PLCL1: variants seen among roughly 807,000 people sequenced by gnomAD.
PLCL1 encodes inactive phospholipase C-like protein 1.
Under a neutral mutation model 84.4 loss-of-function variants are expected in PLCL1, and 41 were observed. That is an observed-to-expected ratio of 0.49 (90% CI 0.38 to 0.63). The LOEUF is 0.63. Ranked by LOEUF, PLCL1 falls within the 30% of genes least tolerant of loss-of-function variation. The pLI is 0.00. For synonymous variants in PLCL1, 490 were observed against 488.3 expected (o/e 1.00, Z -0.05); for missense variants, 1,206 against 1,367.8 (o/e 0.88, Z 1.87).
chr2:197,890,617 A>G (rs1302729734), intron 1 of PLCL1, among the ~76,000 whole-genome samples: 1 of 150,222 alleles, frequency 6.7e-6, no homozygotes, highest in East Asian at 1.9e-4. Context: ...CACCGTTAAC[A>G]TTTTGGTGTA....
At chr2:197,851,120 G>A (rs1687227947) in intron 1 of PLCL1, among the ~76,000 whole-genome samples, 1 of 152,192 alleles carries the variant, frequency 6.6e-6, no homozygotes, top group African/African-American at 2.4e-5. Flanking sequence ...TGCATTGCAC[G>A]TGTAAATAAA....
At chr2:198,104,522 G>T (rs888656866) in intron 5 of PLCL1, among the ~76,000 whole-genome samples, 1 of 151,990 alleles carries the variant, frequency 6.6e-6, no homozygotes, top group Non-Finnish European at 1.5e-5. Flanking sequence ...TGTCTTTATG[G>T]TAGAAGGAAT....
intron 5 of PLCL1, among the ~76,000 whole-genome samples, chr2:198,134,269 G>A (rs1424241297): frequency 6.6e-6 from 1 of 152,040 alleles, no homozygotes; most frequent in Non-Finnish European, 1.5e-5. Flanking sequence ...ACATTAATCT[G>A]GTGTTTAAAT....
Position 197,838,327 on chromosome 2 carries a change from C to T in PLCL1, c.240+32988C>T, listed in dbSNP as rs567567161. On this transcript the variant is annotated intron_variant, in intron 1 of 5. Transcript: ENST00000428675. Reference sequence around the variant, plus strand: ...TCTGCTTTCGAAGAGCATTTAGCTTCTCCAAAGAAAAACACTTAACCAACT... The same window carrying T: ...TCTGCTTTCGAAGAGCATTTAGCTTTTCCAAAGAAAAACACTTAACCAACT... 7.7e-4 allele frequency among the ~76,000 whole-genome samples: 118 copies of T among 152,296 alleles called. 2 individuals are homozygous for T. In the South Asian group the frequency reaches 0.024, roughly 30 times the overall value.
intron 1 of PLCL1, among the ~76,000 whole-genome samples, chr2:198,082,259 C>T (rs947501057): frequency 2.0e-5 from 3 of 152,126 alleles, no homozygotes; most frequent in Non-Finnish European, 2.9e-5. Context: ...AAGTGACTCA[C>T]TCAAGGTGAT....
chr2:197,957,974 T>C (rs1433203827), intron 1 of PLCL1, among the ~76,000 whole-genome samples: 2 of 152,104 alleles, frequency 1.3e-5, no homozygotes, highest in Admixed American at 1.3e-4. Context: ...CAAAATCAAA[T>C]GCAAAGTGAT....
intron 1 of PLCL1, among the ~76,000 whole-genome samples, chr2:197,908,184 A>T (rs895675443): frequency 6.6e-6 from 1 of 152,218 alleles, no homozygotes; most frequent in Non-Finnish European, 1.5e-5. Context: ...ATAAGGATTT[A>T]GTTTTGAACG....
intron 1 of PLCL1, among the ~76,000 whole-genome samples, chr2:197,899,803 T>C (rs887644397): frequency 3.3e-5 from 5 of 151,532 alleles, no homozygotes; most frequent in Non-Finnish European, 5.9e-5. Context: ...GCCCGGCTAA[T>C]TTTTTGTATT....
chr2:198,029,637 G>T (rs560100019), intron 1 of PLCL1, among the ~76,000 whole-genome samples: 2 of 152,122 alleles, frequency 1.3e-5, no homozygotes, highest in East Asian at 3.9e-4. Flanking sequence ...GGCTGCAGTG[G>T]CTGATTATTC....
intron 1 of PLCL1, among the ~76,000 whole-genome samples, chr2:197,889,073 T>C (rs1687969149): frequency 6.6e-6 from 1 of 152,208 alleles, no homozygotes; most frequent in Non-Finnish European, 1.5e-5. Flanking sequence ...AGTGAATGTG[T>C]AGAATTAGAG....
intron 1 of PLCL1, among the ~76,000 whole-genome samples, chr2:198,053,532 CTT>C (rs1233361358): frequency 6.6e-6 from 1 of 152,218 alleles, no homozygotes; most frequent in Non-Finnish European, 1.5e-5. Context: ...CGGGTTGCCT[CTT>C]TATTCTCTTT....
intron 3 of PLCL1, among the ~76,000 whole-genome samples, chr2:198,090,760 C>T (rs935267926): frequency 2.6e-5 from 4 of 152,152 alleles, no homozygotes; most frequent in Non-Finnish European, 2.9e-5. Context: ...TAGAGACAGA[C>T]AGTAGAAATC....
At chr2:197,825,642 G>A (rs908794902) in intron 1 of PLCL1, among the ~76,000 whole-genome samples, 3 of 152,192 alleles carry the variant, frequency 2.0e-5, no homozygotes, top group Non-Finnish European at 4.4e-5. Flanking sequence ...AGTTAATGTA[G>A]TCTACCATTG....
chr2:198,028,744 T>G (rs953756514), intron 1 of PLCL1, among the ~76,000 whole-genome samples: 2 of 152,172 alleles, frequency 1.3e-5, no homozygotes, highest in Non-Finnish European at 2.9e-5. Context: ...TAGCTTTTGA[T>G]GTTTAAAGTT....
chr2:197,902,301 T>G (rs1450335884), intron 1 of PLCL1, among the ~76,000 whole-genome samples: 2 of 152,184 alleles, frequency 1.3e-5, no homozygotes, highest in South Asian at 4.1e-4. Context: ...TGTCTTAGTT[T>G]TAGTTAATTT....
intron 1 of PLCL1, among the ~76,000 whole-genome samples, chr2:197,816,138 A>G (rs756711232): frequency 1.4e-4 from 22 of 152,138 alleles, no homozygotes; most frequent in Non-Finnish European, 2.6e-4. Flanking sequence ...CTTCACTTTT[A>G]TCTTATTTTA....
intron 1 of PLCL1, among the ~76,000 whole-genome samples, chr2:198,081,137 A>G (rs1692706461): frequency 6.6e-6 from 1 of 152,224 alleles, no homozygotes; most frequent in Non-Finnish European, 1.5e-5. Context: ...GGAACCATAT[A>G]CATTCATTTA....
rs1692847796 is a variant in PLCL1 at position 198,085,429 on chromosome 2, T to C, written c.1912T>C (p.Phe638Leu). 2 of 1,613,136 alleles carry C rather than the reference T, an allele frequency of 1.2e-6. No individual in the cohort carries two copies. The highest frequency in any genetic ancestry group is 1.7e-5 in the Admixed American group (1 of 59,976). Residue 638 changes from phenylalanine (F) to leucine (L), a missense_variant, in exon 2 of 6, where the codon TTC (phenylalanine) becomes CTC (leucine). Transcript: ENST00000428675. This position sits in a 1 kb window ranked among gnomAD's most constrained non-coding sequence, Gnocchi z 5.3. The part of the protein sequence containing the change: ...PEDFVNYNKK[F>L]LSRIYPSAMR... ...GGATTTTGTTAATTATAATAAGAAGTTCTTATCAAGAATCTATCCAAGTGC... is the reference window on the plus strand; with the variant it reads ...GGATTTTGTTAATTATAATAAGAAGCTCTTATCAAGAATCTATCCAAGTGC...
At position 197,897,182 on chromosome 2, in the gene PLCL1, TCTTCTTCTC is replaced by T. The variant is rs1477551211; in HGVS notation, c.240+91849_240+91857del. Among the ~76,000 whole-genome samples, 44 of 45,880 alleles carry T rather than the reference TCTTCTTCTC, an allele frequency of 9.6e-4. 1 individual carries two copies. The highest frequency in any genetic ancestry group is 1.6e-3 in the South Asian group (2 of 1,258). The allele number at this position is 45,880 out of a possible 152,430, so 30.1% of individuals were successfully genotyped here. On this transcript the variant is annotated intron_variant, in intron 1 of 5. Coordinates refer to ENST00000428675, the MANE Select transcript of PLCL1 (RefSeq NM_006226.4). The stretch of plus-strand genomic sequence containing the variant: ...TTCTTCTTCTTCTTCTTCTTCTTCT[TCTTCTTCTC>T]CTTCTCCTTCTTCTTTCTTCTTCCT...
Sources: allele counts gnomAD v4.1 joint callset (sites outside exome capture counted in the v4.1 genomes callset), GRCh38; gene constraint gnomAD v4.1.1; non-coding constraint Gnocchi (gnomAD v3.1); transcripts MANE v1.5; gene names NCBI Gene and HGNC (gene_info 2026-07-23, HGNC 2026-07-21).